The following PLPPR1 variants were observed in gnomAD, a reference collection of about 807,000 sequenced individuals.
The protein encoded by PLPPR1 is phospholipid phosphatase related 1.
Under a neutral mutation model 33.1 loss-of-function variants are expected in PLPPR1, and 10 were observed. The ratio of observed to expected loss-of-function variants is 0.30; its 90% CI spans 0.19 to 0.51. PLPPR1 has a LOEUF of 0.51. Ranked by LOEUF, PLPPR1 falls within the 20% of genes least tolerant of loss-of-function variation. PLPPR1 has a pLI of 0.97. For missense variants in PLPPR1, 304 were observed against 408.1 expected (o/e 0.74, Z 2.20); for synonymous variants, 151 against 151.0 (o/e 1.00, Z 0.00).
At chr9:101,205,113 G>A (rs1019341490) in intron 2 of PLPPR1, among the ~76,000 whole-genome samples, 1 of 152,118 alleles carries the variant, frequency 6.6e-6, no homozygotes, top group Non-Finnish European at 1.5e-5. Flanking sequence ...GGCTTCATAA[G>A]ATCAATGCAT....
intron 4 of PLPPR1, among the ~76,000 whole-genome samples, chr9:101,298,511 GA>G (rs1227006147): frequency 6.6e-6 from 1 of 152,148 alleles, no homozygotes; most frequent in Non-Finnish European, 1.5e-5. Flanking sequence ...GCCTTTTTGA[GA>G]ACTAGAAAAT....
chr9:101,291,997 T>G (rs1486939494), intron 4 of PLPPR1, among the ~76,000 whole-genome samples: 1 of 152,084 alleles, frequency 6.6e-6, no homozygotes, highest in East Asian at 1.9e-4. Flanking sequence ...TACTCTGAGC[T>G]ACAGGAGGAA....
chr9:101,144,320 A>T (rs1298438688), intron 1 of PLPPR1, among the ~76,000 whole-genome samples: 3 of 152,172 alleles, frequency 2.0e-5, no homozygotes, highest in Non-Finnish European at 4.4e-5. Flanking sequence ...GTAAATGACG[A>T]ATTAATGGGT....
At chr9:101,151,227 G>A (rs1372854429) in intron 1 of PLPPR1, among the ~76,000 whole-genome samples, 1 of 152,080 alleles carries the variant, frequency 6.6e-6, no homozygotes, top group Admixed American at 6.6e-5. Context: ...TTATGAGTTG[G>A]CTGTGTAATT....
At chr9:101,099,142 G>T (rs998265509) in intron 1 of PLPPR1, among the ~76,000 whole-genome samples, 1 of 151,632 alleles carries the variant, frequency 6.6e-6, no homozygotes, top group Admixed American at 6.6e-5. Flanking sequence ...GGTCAGTGGG[G>T]ATGTGAATAT....
In PLPPR1 at chr9:101,324,053, C is replaced by T. The variant is rs1355089096; in HGVS notation, c.974C>T (p.Thr325Ile). Residue 325 changes from threonine (T) to isoleucine (I), a missense_variant, in exon 8 of 8, where the codon ACC (threonine) becomes ATC (isoleucine). Physicochemically the swap from Thr to Ile is moderately conservative, Grantham distance 89. Coordinates refer to ENST00000374874, the MANE Select transcript of PLPPR1 (RefSeq NM_207299.2). ...CACTCTGCGTCCATGACCGAAGTTACCTGAGACGACTGATGTGTCACAAGC... is the reference window on the plus strand; with the variant it reads ...CACTCTGCGTCCATGACCGAAGTTATCTGAGACGACTGATGTGTCACAAGC... ...QNHSASMTEVT is the reference protein window; with the variant it reads ...QNHSASMTEVI 1 of 1,612,074 alleles carries T rather than the reference C, an allele frequency of 6.2e-7. No homozygotes were observed. The highest frequency in any genetic ancestry group is 8.5e-7 in the Non-Finnish European group (1 of 1,178,474).
chr9:101,221,409 C>A (rs1279603106), intron 2 of PLPPR1, among the ~76,000 whole-genome samples: 1 of 152,218 alleles, frequency 6.6e-6, no homozygotes, highest in African/African-American at 2.4e-5. Context: ...TCCTACCCTG[C>A]TCTTTGGAGA....
At chr9:101,253,927 T>C (rs1484164690) in intron 2 of PLPPR1, among the ~76,000 whole-genome samples, 2 of 152,166 alleles carry the variant, frequency 1.3e-5, no homozygotes, top group African/African-American at 4.8e-5. Flanking sequence ...ATAAAAATCA[T>C]TGTACTACGG....
rs11339430 is a variant in PLPPR1 at position 101,323,469 on chromosome 9, C to CAAAAAAAAAAAAAA, written c.946-549_946-536dup. On this transcript the variant is annotated intron_variant, in intron 7 of 7. Transcript: ENST00000374874. Reference sequence around the variant, plus strand: ...CTGGGTGACAGAGTAAACCCTGTCTCAAAAAAAAAAAAAAAAAAAAGTTTG... The same window carrying CAAAAAAAAAAAAAA: ...CTGGGTGACAGAGTAAACCCTGTCTCAAAAAAAAAAAAAAAAAAAAAAAAAAAAAAAAAAGTTTG... 4.3e-5 allele frequency among the ~76,000 whole-genome samples: 4 copies of CAAAAAAAAAAAAAA among 93,788 alleles called. No individual in the cohort carries two copies. The South Asian group carries it at 1.2e-3, about 28-fold the overall frequency. The allele number at this position is 93,788 out of a possible 152,430, so 61.5% of individuals were successfully genotyped here.
chr9:101,289,701 T>C (rs932093329), intron 4 of PLPPR1, among the ~76,000 whole-genome samples: 1 of 152,206 alleles, frequency 6.6e-6, no homozygotes. Context: ...CTATGTATGA[T>C]ATGACTTGCT....
chr9:101,127,095 A>G (rs1301391749), intron 1 of PLPPR1, among the ~76,000 whole-genome samples: 4 of 152,240 alleles, frequency 2.6e-5, no homozygotes, highest in African/African-American at 9.6e-5. Flanking sequence ...CTTAAGAAAA[A>G]TAAGCAGAAT....
chr9:101,110,161 A>G (rs1304798777), intron 1 of PLPPR1, among the ~76,000 whole-genome samples: 2 of 152,246 alleles, frequency 1.3e-5, no homozygotes, highest in African/African-American at 4.8e-5. Flanking sequence ...AATAGCAGGA[A>G]CAAGAATTTC....
At chr9:101,230,407 T>C (rs1224903010) in intron 2 of PLPPR1, among the ~76,000 whole-genome samples, 3 of 152,070 alleles carry the variant, frequency 2.0e-5, no homozygotes, top group Non-Finnish European at 2.9e-5. Flanking sequence ...GTCCACACCT[T>C]CAGTTGTTCT....
At chr9:101,199,227 A>G (rs2118744145) in intron 2 of PLPPR1, among the ~76,000 whole-genome samples, 1 of 152,364 alleles carries the variant, frequency 6.6e-6, no homozygotes, top group African/African-American at 2.4e-5. Flanking sequence ...ACTTCTGAAT[A>G]TAAGGGACTG....
intron 1 of PLPPR1, among the ~76,000 whole-genome samples, chr9:101,144,149 A>G (rs1176215672): frequency 6.6e-6 from 1 of 152,188 alleles, no homozygotes; most frequent in East Asian, 1.9e-4. Flanking sequence ...CATTATTCTC[A>G]GCAAACTATC....
chr9:101,289,086 A>G (rs1318188361), intron 4 of PLPPR1, among the ~76,000 whole-genome samples: 1 of 152,202 alleles, frequency 6.6e-6, no homozygotes, highest in Admixed American at 6.5e-5. Flanking sequence ...CCATCATGCT[A>G]AACGGCTTCA....
At chr9:101,102,138 C>CT (rs201534396) in intron 1 of PLPPR1, among the ~76,000 whole-genome samples, 3,523 of 55,534 alleles carry the variant, frequency 0.063, 108 homozygotes, top group Admixed American at 0.17. Context: ...TAGCTTTATT[C>CT]TTTTTTTTTT....
intron 2 of PLPPR1, among the ~76,000 whole-genome samples, chr9:101,228,665 G>A (rs766249131): frequency 2.0e-5 from 3 of 152,192 alleles, no homozygotes; most frequent in Admixed American, 6.5e-5. Context: ...GAACTATTGG[G>A]GATGTGACGT....
chr9:101,207,101 T>G (rs965334149), intron 2 of PLPPR1, among the ~76,000 whole-genome samples: 7 of 152,218 alleles, frequency 4.6e-5, no homozygotes, highest in Non-Finnish European at 1.0e-4. Context: ...ATCTTAATTT[T>G]TATTTGCCTA....
Sources: allele counts gnomAD v4.1 joint callset (sites outside exome capture counted in the v4.1 genomes callset), GRCh38; gene constraint gnomAD v4.1.1; transcripts MANE v1.5; gene names NCBI Gene and HGNC (gene_info 2026-07-23, HGNC 2026-07-21).